ADGRL2: variants seen among roughly 807,000 people sequenced by gnomAD.
ADGRL2 encodes adhesion G protein-coupled receptor L2, also known as calcium-independent alpha-latrotoxin receptor 2.
Under a neutral mutation model 157.4 loss-of-function variants are expected in ADGRL2, and 44 were observed. The observed-to-expected ratio is 0.28, with a 90% CI of 0.22 to 0.36. ADGRL2 has a LOEUF of 0.36. ADGRL2 is among the 10% of genes least tolerant of loss of function. The pLI is 1.00. For synonymous variants in ADGRL2, 585 were observed against 624.7 expected, an observed-to-expected ratio of 0.94 and a Z score of 0.95; for missense variants, 1,510 against 1,768.9, an observed-to-expected ratio of 0.85 and a Z score of 2.63.
chr1:81,956,075 T>G lies in ADGRL2; in HGVS notation c.2017+15T>G. ...AGAAAATATTGGTAAGTGAATCTAC[T>G]GTCAAGTTTAATTTTGATTTAGGAT... On this transcript the variant is annotated intron_variant, in intron 11 of 23. Coordinates refer to ENST00000686636, the MANE Select transcript of ADGRL2 (RefSeq NM_001366006.2). The G allele has an allele frequency of 6.4e-7, 1 of 1,560,792 alleles. No individual in the cohort carries two copies. Among genetic ancestry groups the G allele is most frequent in the Non-Finnish European group, 8.7e-7 (1 of 1,154,214 alleles).
At chr1:81,920,307 G>C (rs753413700) in intron 3 of ADGRL2, among the ~76,000 whole-genome samples, 4 of 152,122 alleles carry the variant, frequency 2.6e-5, no homozygotes, top group Non-Finnish European at 4.4e-5. Flanking sequence ...GTGAAAATGA[G>C]AAGTAGTATT....
At chr1:81,610,103 C>T (rs1345153909) in intron 3 of ADGRL2, among the ~76,000 whole-genome samples, 1 of 152,140 alleles carries the variant, frequency 6.6e-6, no homozygotes, top group African/African-American at 2.4e-5. Context: ...ATGCTAGTTG[C>T]ACCAGGGGTG....
intron 1 of ADGRL2, among the ~76,000 whole-genome samples, chr1:81,802,152 A>G (rs1162697442): frequency 2.0e-5 from 3 of 151,216 alleles, no homozygotes; most frequent in Admixed American, 6.6e-5. Context: ...CGGCCGGGGT[A>G]GCCGCTGCCC....
At chr1:81,439,436 C>G (rs887471035) in intron 1 of ADGRL2, among the ~76,000 whole-genome samples, 4 of 152,234 alleles carry the variant, frequency 2.6e-5, no homozygotes, top group Non-Finnish European at 5.9e-5. Flanking sequence ...AATAACGAAA[C>G]CTACTGATGC....
chr1:81,562,230 A>G (rs752721033), intron 2 of ADGRL2, among the ~76,000 whole-genome samples: 4 of 152,184 alleles, frequency 2.6e-5, no homozygotes, highest in Non-Finnish European at 4.4e-5. Context: ...GAAAGTGGAT[A>G]GTTAAAATAT....
intron 1 of ADGRL2, among the ~76,000 whole-genome samples, chr1:81,434,749 A>G (rs2077380437): frequency 6.6e-6 from 1 of 152,200 alleles, no homozygotes. Context: ...AGCACAAAAT[A>G]TATTACCAGG....
At chr1:81,763,938 G>A (rs1293850292) in intron 2 of ADGRL2, among the ~76,000 whole-genome samples, 4 of 152,058 alleles carry the variant, frequency 2.6e-5, no homozygotes, top group African/African-American at 4.8e-5. Context: ...CCCAGGAGGC[G>A]GATGTTGCAG....
chr1:81,479,843 TG>T (rs1291599745), intron 2 of ADGRL2, among the ~76,000 whole-genome samples: 1 of 152,218 alleles, frequency 6.6e-6, no homozygotes, highest in East Asian at 1.9e-4. Flanking sequence ...TGATAGTTTA[TG>T]GGGTTTCCTA....
chr1:81,661,197 T>A (rs2082643223), intron 3 of ADGRL2, among the ~76,000 whole-genome samples: 1 of 149,532 alleles, frequency 6.7e-6, no homozygotes, highest in Non-Finnish European at 1.5e-5. Flanking sequence ...TTTTTTTTAT[T>A]AATCTTTATT....
At chr1:81,615,269 G>A (rs2081619800) in intron 3 of ADGRL2, among the ~76,000 whole-genome samples, 1 of 152,112 alleles carries the variant, frequency 6.6e-6, no homozygotes, top group Non-Finnish European at 1.5e-5. Context: ...CTCTGTAAAC[G>A]GACCAATCAG....
chr1:81,406,122 T>A (rs1171637526), intron 1 of ADGRL2, among the ~76,000 whole-genome samples: 1 of 152,308 alleles, frequency 6.6e-6, no homozygotes, highest in African/African-American at 2.4e-5. Flanking sequence ...GGAGGTACAC[T>A]CTTAGCTGCA....
intron 1 of ADGRL2, among the ~76,000 whole-genome samples, chr1:81,401,326 AG>A (rs2076751496): frequency 6.6e-6 from 1 of 152,166 alleles, no homozygotes; most frequent in East Asian, 1.9e-4. Context: ...AGGGGACCCC[AG>A]TGTTGAAGAC....
At chr1:81,532,696 C>T (rs559238120) in intron 2 of ADGRL2, among the ~76,000 whole-genome samples, 3 of 151,826 alleles carry the variant, frequency 2.0e-5, no homozygotes, top group East Asian at 3.9e-4. Flanking sequence ...AAGAGGATCA[C>T]TTGAGCCCAG....
At chr1:81,811,455 C>T (rs952518262) in intron 1 of ADGRL2, among the ~76,000 whole-genome samples, 2 of 151,484 alleles carry the variant, frequency 1.3e-5, no homozygotes, top group Non-Finnish European at 3.0e-5. Context: ...CAGCGTTCTG[C>T]AGCAACACGT....
chr1:81,312,352 A>G (rs1475452969), intron 1 of ADGRL2, among the ~76,000 whole-genome samples: 1 of 152,184 alleles, frequency 6.6e-6, no homozygotes, highest in Non-Finnish European at 1.5e-5. Context: ...TCCAAGTTAC[A>G]ATGATCGCCA....
chr1:81,427,028 C>T, intron 1 of ADGRL2: 1 of 1,084,334 alleles, frequency 9.2e-7, no homozygotes, highest in Non-Finnish European at 1.4e-6. Context: ...CAGTTGATAA[C>T]ATTGTTATTC....
At chr1:81,549,324 G>C (rs1249421024) in intron 2 of ADGRL2, among the ~76,000 whole-genome samples, 2 of 152,140 alleles carry the variant, frequency 1.3e-5, no homozygotes, top group African/African-American at 4.8e-5. Flanking sequence ...CAAAGGAAAG[G>C]AAGAATGCTC....
intron 2 of ADGRL2, among the ~76,000 whole-genome samples, chr1:81,777,792 T>A (rs2086646205): frequency 6.6e-6 from 1 of 152,140 alleles, no homozygotes; most frequent in African/African-American, 2.4e-5. Flanking sequence ...ATTTGGACCT[T>A]GATTTTATCA....
chr1:81,980,743 G>A, intron 18 of ADGRL2: 1 of 631,296 alleles, frequency 1.6e-6, no homozygotes, highest in Non-Finnish European at 3.0e-6. Context: ...CTAATCTTTA[G>A]CATCTCTCTC....
Sources: gnomAD v4.1 joint callset for allele counts (sites outside exome capture counted in the v4.1 genomes callset) on GRCh38, gnomAD v4.1.1 for gene constraint, MANE v1.5 for transcripts, NCBI Gene and HGNC (gene_info 2026-07-23, HGNC 2026-07-21) for gene names.